Variants in JAKMIP1 observed in about 807,000 individuals in gnomAD.
The protein encoded by JAKMIP1 is janus kinase and microtubule interacting protein 1.
A neutral mutation model predicts 113.0 loss-of-function variants in JAKMIP1; 33 were observed. The ratio of observed to expected loss-of-function variants is 0.29; its 90% CI spans 0.22 to 0.39. The LOEUF is 0.39. Ranked by LOEUF, JAKMIP1 falls within the 10% of genes least tolerant of loss-of-function variation. The pLI is 1.00. For synonymous variants in JAKMIP1, 480 were observed against 459.9 expected (o/e 1.04, Z -0.56); for missense variants, 813 against 1,080.5 (o/e 0.75, Z 3.47).
rs1725332918 is a variant in JAKMIP1 at position 6,176,296 on chromosome 4, G to T, written c.-148+23957C>A. On this transcript the variant is annotated intron_variant, in intron 1 of 20. Coordinates refer to ENST00000409021, the MANE Select transcript of JAKMIP1 (RefSeq NM_001099433.2). This position sits in a 1 kb window ranked among gnomAD's most constrained non-coding sequence, Gnocchi z 5.5. ...GACTGCCTGGCAGCAGGTTCCACGG[G>T]GCCCCTGAAGGCAGAGACAGTGTTT... Among the ~76,000 whole-genome samples, 1 of 152,160 alleles carries T rather than the reference G, an allele frequency of 6.6e-6. No individual in the cohort carries two copies. The highest frequency in any genetic ancestry group is 1.5e-5 in the Non-Finnish European group (1 of 68,044).
chr4:6,031,593 T>C lies in JAKMIP1; in HGVS notation c.2380-1812A>G, dbSNP rs910495856. ...TTTGGTGGGGGGTCGGGGACAGAGC[T>C]CAGAGGGTCTGGAATGGCCCATGTC... On this transcript the variant is annotated intron_variant, in intron 19 of 20. Transcript: ENST00000409021. The surrounding 1 kb of genome is among the most constrained non-coding windows in gnomAD (Gnocchi z 4.4). Among the ~76,000 whole-genome samples the C allele has an allele frequency of 1.3e-5, 2 of 152,042 alleles. No homozygotes were observed. The highest frequency in any genetic ancestry group is 2.9e-5 in the Non-Finnish European group (2 of 68,010).
At chr4:6,101,730 T>C (rs1162906254) in intron 3 of JAKMIP1, among the ~76,000 whole-genome samples, 1 of 8,620 alleles carries the variant, frequency 1.2e-4, no homozygotes, top group South Asian at 3.7e-3. Context: ...CTACTAAAAA[T>C]ACAAAAAAAA....
At position 6,137,995 on chromosome 4, in the gene JAKMIP1, C is replaced by T. The variant is rs1165985451; in HGVS notation, c.-147-24998G>A. ...GCTGTAACCAGCTCTGGGACAGTGGCTCCCAATGCCCCAGCTCCCAGAGGT... is the reference window on the plus strand; with the variant it reads ...GCTGTAACCAGCTCTGGGACAGTGGTTCCCAATGCCCCAGCTCCCAGAGGT... On this transcript the variant is annotated intron_variant, in intron 1 of 20. Transcript: ENST00000409021. The surrounding 1 kb of genome is among the most constrained non-coding windows in gnomAD (Gnocchi z 4.5). Among the ~76,000 whole-genome samples, 1 of 152,182 alleles carries T rather than the reference C, an allele frequency of 6.6e-6. No individual in the cohort carries two copies. Among genetic ancestry groups the T allele is most frequent in the African/African-American group, 2.4e-5 (1 of 41,454 alleles).
Position 6,094,418 on chromosome 4 carries a change from C to A in JAKMIP1, c.625-8789G>T, listed in dbSNP as rs1326463041. Among the ~76,000 whole-genome samples the A allele has an allele frequency of 1.3e-5, 2 of 152,152 alleles. No individual in the cohort carries two copies. ...CTCCTACCCAACTGACAGGAGGAATCGTGCTAAGAAAACAGCCTGGCCCCA... is the reference window on the plus strand; with the variant it reads ...CTCCTACCCAACTGACAGGAGGAATAGTGCTAAGAAAACAGCCTGGCCCCA... On this transcript the variant is annotated intron_variant, in intron 3 of 20. Coordinates refer to ENST00000409021, the MANE Select transcript of JAKMIP1 (RefSeq NM_001099433.2). The surrounding 1 kb of genome is among the most constrained non-coding windows in gnomAD (Gnocchi z 4.2).
At chr4:6,152,057 C>G (rs11946878) in intron 1 of JAKMIP1, among the ~76,000 whole-genome samples, 1 of 147,244 alleles carries the variant, frequency 6.8e-6, no homozygotes, top group Non-Finnish European at 1.5e-5. Context: ...AGGAAGCAGG[C>G]GAAGGAGGAA....
At chr4:6,034,878 C>CT (rs1713198889) in intron 19 of JAKMIP1, among the ~76,000 whole-genome samples, 1 of 152,162 alleles carries the variant, frequency 6.6e-6, no homozygotes, top group African/African-American at 2.4e-5. Flanking sequence ...AATCAGTAGA[C>CT]TTTGAGTAAA....
chr4:6,159,533 A>T (rs1722653484), intron 1 of JAKMIP1, among the ~76,000 whole-genome samples: 1 of 152,224 alleles, frequency 6.6e-6, no homozygotes, highest in Non-Finnish European at 1.5e-5. Context: ...AAAATAGTGT[A>T]AATAATGGAG....
intron 2 of JAKMIP1, among the ~76,000 whole-genome samples, chr4:6,107,020 T>C (rs887548950): frequency 2.0e-5 from 3 of 152,002 alleles, no homozygotes; most frequent in Admixed American, 6.6e-5. Context: ...AAACAGCAGG[T>C]AAAAAAGCAA....
At position 6,064,915 on chromosome 4, in the gene JAKMIP1, T is replaced by G; in HGVS notation, c.1396A>C (p.Arg466=). 4 of 1,614,170 alleles carry G rather than the reference T, an allele frequency of 2.5e-6. No individual in the cohort carries two copies. Among genetic ancestry groups the G allele is most frequent in the Non-Finnish European group, 3.4e-6 (4 of 1,180,024 alleles). The change falls in exon 9 of 21, where the codon AGG becomes CGG. Residue 466 remains arginine, a synonymous_variant. Coordinates refer to ENST00000409021, the MANE Select transcript of JAKMIP1 (RefSeq NM_001099433.2). This position sits in a 1 kb window ranked among gnomAD's most constrained non-coding sequence, Gnocchi z 4.3. The part of the protein sequence containing the change: ...ETSYNTDRTD[R]TPATPEEDLD... ...TCTTCTTCGGGCGTGGCTGGGGTCC[T>G]GTCTGTCCTGTCTGTGTTGTAGGAT...
At chr4:6,170,268 CCACCACCAT>C (rs1324389601) in intron 1 of JAKMIP1, among the ~76,000 whole-genome samples, 4 of 148,208 alleles carry the variant, frequency 2.7e-5, no homozygotes, top group African/African-American at 5.0e-5. Context: ...CTCACCACCA[CCACCACCAT>C]CACCACCACC....
rs752530786 is a variant in JAKMIP1, at chr4:6,105,917, C to A, written c.180G>T (p.Gln60His). 1.1e-5 allele frequency: 17 copies of A among 1,610,552 alleles called. No individual in the cohort carries two copies. The highest frequency in any genetic ancestry group is 1.4e-5 in the Non-Finnish European group (17 of 1,179,232). Residue 60 changes from glutamine to histidine, a missense_variant, in exon 3 of 21, where the codon CAG becomes CAT. By Grantham distance (24) the Gln-to-His change is conservative (BLOSUM62 0). Around this residue, in one of 2 missense-constraint regions of JAKMIP1, gnomAD observed 540 missense variants for 653.9 expected, o/e 0.83. Coordinates refer to ENST00000409021, the MANE Select transcript of JAKMIP1 (RefSeq NM_001099433.2). ...TGTAGGCCGTGTGCCGTCGCTGCTC[C>A]TGCTCGCGCTCCAGCTTCGCCTCCT... is the stretch of plus-strand genomic sequence containing the variant. ...RLQEAKLERE[Q>H]EQRRHTAYIS...
rs113831724 is a variant in JAKMIP1, at chr4:6,192,835, C to T, written c.-148+7418G>A. On this transcript the variant is annotated intron_variant, in intron 1 of 20. Coordinates refer to ENST00000409021, the MANE Select transcript of JAKMIP1 (RefSeq NM_001099433.2). This position sits in a 1 kb window ranked among gnomAD's most constrained non-coding sequence, Gnocchi z 5.0. ...TACTGATGGGAACCAGGGGCACAGCCGCTATCTGGGACAGTCAAAGACCTC... is the reference window on the plus strand; with the variant it reads ...TACTGATGGGAACCAGGGGCACAGCTGCTATCTGGGACAGTCAAAGACCTC... 2.3e-4 allele frequency among the ~76,000 whole-genome samples: 35 copies of T among 152,236 alleles called. No homozygotes were observed. Among genetic ancestry groups the T allele is most frequent in the African/African-American group, 7.2e-4 (30 of 41,538 alleles).
chr4:6,178,270 T>C lies in JAKMIP1; in HGVS notation c.-148+21983A>G, dbSNP rs570402264. Among the ~76,000 whole-genome samples the C allele has an allele frequency of 6.6e-6, 1 of 152,374 alleles. No homozygotes were observed. The highest frequency in any genetic ancestry group is 2.4e-5 in the African/African-American group (1 of 41,592). On this transcript the variant is annotated intron_variant, in intron 1 of 20. Transcript: ENST00000409021. This position sits in a 1 kb window ranked among gnomAD's most constrained non-coding sequence, Gnocchi z 5.5. Reference sequence around the variant, plus strand: ...TTTCAGGTAAGCAGCTTTTCCTTTGTTACCCTACGATATGGTTTGGCTGTG... The same window carrying C: ...TTTCAGGTAAGCAGCTTTTCCTTTGCTACCCTACGATATGGTTTGGCTGTG...
At chr4:6,145,192 G>A (rs1720684613) in intron 1 of JAKMIP1, among the ~76,000 whole-genome samples, 1 of 152,152 alleles carries the variant, frequency 6.6e-6, no homozygotes, top group African/African-American at 2.4e-5. Context: ...ATGAATCGTA[G>A]AAACAGCCAG....
chr4:6,091,055 G>T (rs1467147), intron 3 of JAKMIP1, among the ~76,000 whole-genome samples: 149,731 of 152,358 alleles, frequency 0.98, 73,632 homozygotes, highest in Middle Eastern at 1. Flanking sequence ...TCTAATCCAA[G>T]CCAGCTGACA....
At position 6,054,037 on chromosome 4, in the gene JAKMIP1, TAG is replaced by T. The variant is rs1194397157; in HGVS notation, c.1806+11_1806+12del. On this transcript the variant is annotated intron_variant, in intron 13 of 20. Transcript: ENST00000409021. ...GCTCCGTTTGAGAGTTTACAACAGATAGAGTCTCTTACTTCGAGTTCTAGCAC... is the reference window on the plus strand; with the variant it reads ...GCTCCGTTTGAGAGTTTACAACAGATAGTCTCTTACTTCGAGTTCTAGCAC... 1.2e-6 allele frequency: 2 copies of T among 1,614,102 alleles called. No individual in the cohort carries two copies. The highest frequency in any genetic ancestry group is 1.7e-6 in the Non-Finnish European group (2 of 1,180,018).
At position 6,049,728 on chromosome 4, in the gene JAKMIP1, G is replaced by C; in HGVS notation, c.1962+91C>G. ...CTTCTTAGATCTCTTACATCAGAGA[G>C]AAATTAAAAACAAAACAAAACAAAA... On this transcript the variant is annotated intron_variant, in intron 15 of 20. Transcript: ENST00000409021. This position sits in a 1 kb window ranked among gnomAD's most constrained non-coding sequence, Gnocchi z 7.0. The C allele has an allele frequency of 9.4e-6, 9 of 959,120 alleles. No individual in the cohort carries two copies. Among genetic ancestry groups the C allele is most frequent in the Non-Finnish European group, 1.5e-5 (9 of 605,836 alleles). The allele number at this position is 959,120 out of a possible 1,614,324, so 59.4% of individuals were successfully genotyped here.
intron 19 of JAKMIP1, among the ~76,000 whole-genome samples, chr4:6,035,049 T>G (rs890980159): frequency 3.9e-5 from 6 of 152,196 alleles, no homozygotes; most frequent in African/African-American, 1.2e-4. Context: ...GCCCTCCAGA[T>G]TGTGAACTTG....
At chr4:6,070,936 A>G (rs577137481) in intron 8 of JAKMIP1, among the ~76,000 whole-genome samples, 18 of 152,380 alleles carry the variant, frequency 1.2e-4, no homozygotes, top group African/African-American at 4.3e-4. Context: ...CACCAGACAT[A>G]ATATCAAAAG....
Sources: allele counts gnomAD v4.1 joint callset (sites outside exome capture counted in the v4.1 genomes callset), GRCh38; gene constraint gnomAD v4.1.1; regional missense constraint gnomAD v4.1.1; non-coding constraint Gnocchi (gnomAD v3.1); transcripts MANE v1.5; gene names NCBI Gene and HGNC (gene_info 2026-07-23, HGNC 2026-07-21).